ZFP28: variants seen among roughly 807,000 people sequenced by gnomAD.
ZFP28 encodes the protein zinc finger protein 28 homolog.
Under a neutral mutation model 39.5 loss-of-function variants are expected in ZFP28, and 31 were observed. The ratio of observed to expected loss-of-function variants is 0.79; its 90% CI spans 0.59 to 1.06. The LOEUF (loss-of-function observed/expected upper bound fraction) is 1.06, where lower values mean the gene tolerates loss of function less well. Among genes scored for constraint, ZFP28 ranks in the 50% least tolerant of loss-of-function variants. The pLI is 0.00. For missense variants in ZFP28, 925 were observed against 1,048.4 expected (o/e 0.88, Z 1.63); for synonymous variants, 400 against 378.6 (o/e 1.06, Z -0.66).
At position 56,550,487 on chromosome 19, in the gene ZFP28, C is replaced by A. The variant is rs755679460; in HGVS notation, c.803-23C>A. On this transcript the variant is annotated intron_variant, in intron 6 of 7. Transcript: ENST00000301318. ...AGGATGCCAAGACTATTGGCCAAAC[C>A]TCATCTCTTTTCACTTTTTCAGGAC... 1.9e-6 allele frequency: 3 copies of A among 1,606,548 alleles called. No individual in the cohort carries two copies. In the South Asian group the frequency reaches 3.3e-5, roughly 18 times the overall value.
At position 56,553,853 on chromosome 19, in the gene ZFP28, A is replaced by G; in HGVS notation, c.1068A>G (p.Gln356=). 2 of 1,614,176 alleles carry G rather than the reference A, an allele frequency of 1.2e-6. No homozygotes were observed. Among genetic ancestry groups the G allele is most frequent in the East Asian group, 2.2e-5 (1 of 44,864 alleles). The change falls in exon 8 of 8, where the codon CAA becomes CAG. Residue 356 remains glutamine (Q), a synonymous_variant. Coordinates refer to ENST00000301318, the MANE Select transcript of ZFP28 (RefSeq NM_020828.2). ...GRKLAVGQET[Q]FRQEPITHNK... is the part of the protein sequence containing the mutation. ...AGCTTGCAGTAGGTCAAGAGACACA[A>G]TTCAGGCAAGAGCCAATTACTCATA...
At position 56,547,398 on chromosome 19, in the gene ZFP28, G is replaced by A; in HGVS notation, c.301-110G>A. ...CACATTCAAAAGTACTGGGGATTAG[G>A]AGTTTAATGTAGGAGTTTTGTCAGG... On this transcript the variant is annotated intron_variant, in intron 2 of 7. Transcript: ENST00000301318. The surrounding 1 kb of genome is among the most constrained non-coding windows in gnomAD (Gnocchi z 4.6). 4 of 1,488,382 alleles carry A rather than the reference G, an allele frequency of 2.7e-6. No homozygotes were observed. Among genetic ancestry groups the A allele is most frequent in the East Asian group, 4.5e-5 (2 of 44,142 alleles). 92.2% of individuals were successfully genotyped at this position (1,488,382 alleles called of 1,614,324 possible).
upstream of ZFP28, among the ~76,000 whole-genome samples, chr19:56,538,795 G>A (rs1488937646): frequency 3.1e-4 from 33 of 107,404 alleles, no homozygotes; most frequent in East Asian, 1.4e-3. Context: ...GGCGGGGCGG[G>A]GCGGGGCGGG....
rs1600544487 is a variant in ZFP28 at position 56,547,743 on chromosome 19, A to T, written c.428-64A>T. 1.2e-6 allele frequency: 2 copies of T among 1,604,538 alleles called. No homozygotes were observed. The highest frequency in any genetic ancestry group is 4.5e-5 in the East Asian group (2 of 44,652). ...CTGCACTGCCCTCTTGCGTCAAGCC[A>T]AGGGGACTGCATCTCAGTCTGGACA... On this transcript the variant is annotated intron_variant, in intron 3 of 7. Coordinates refer to ENST00000301318, the MANE Select transcript of ZFP28 (RefSeq NM_020828.2). The surrounding 1 kb of genome is among the most constrained non-coding windows in gnomAD (Gnocchi z 4.6).
At chr19:56,545,455 GAAT>G (rs1568484903) in intron 2 of ZFP28, 1 of 152,206 alleles carries the variant, frequency 6.6e-6, no homozygotes, top group African/African-American at 2.4e-5. Context: ...GTTTCTAGTA[GAAT>G]AATGTGAATC....
In ZFP28 at chr19:56,555,242, A is replaced by G; in HGVS notation, c.2457A>G (p.Arg819=). 2 of 1,614,198 alleles carry G rather than the reference A, an allele frequency of 1.2e-6. No homozygotes were observed. Among genetic ancestry groups the G allele is most frequent in the Non-Finnish European group, 1.7e-6 (2 of 1,180,044 alleles). Residue 819 remains arginine, a synonymous_variant, in exon 8 of 8, where the codon AGA becomes AGG. Transcript: ENST00000301318. The part of the protein sequence containing the change: ...GERSYNYKKS[R]KVFRQTAHLA... ...GATCTTATAACTATAAGAAAAGCAGAAAAGTCTTCAGGCAAACTGCTCACT... is the reference window on the plus strand; with the variant it reads ...GATCTTATAACTATAAGAAAAGCAGGAAAGTCTTCAGGCAAACTGCTCACT...
In ZFP28 at chr19:56,547,565, C is replaced by T; in HGVS notation, c.358C>T (p.Leu120=). The stretch of plus-strand genomic sequence containing the variant: ...TTTCTCCCAAGAGGAGTGGGAGTGG[C>T]TGAACCCCATTCAGAGGAACTTGTA... ...VDFSQEEWEW[L]NPIQRNLYRK... is the part of the protein sequence containing the mutation. Residue 120 remains leucine, a synonymous_variant, in exon 3 of 8, where the codon CTG becomes TTG. Transcript: ENST00000301318. The surrounding 1 kb of genome is among the most constrained non-coding windows in gnomAD (Gnocchi z 4.6). 6.2e-7 allele frequency: 1 copy of T among 1,614,016 alleles called. No individual in the cohort carries two copies. Among genetic ancestry groups the T allele is most frequent in the Non-Finnish European group, 8.5e-7 (1 of 1,179,970 alleles).
chr19:56,551,257 A>T (rs896010097), intron 7 of ZFP28: 15 of 986,720 alleles, frequency 1.5e-5, no homozygotes, highest in Non-Finnish European at 1.8e-5. Context: ...TTGATGCACA[A>T]GGGAAAGAAA....
chr19:56,547,324 C>T lies in ZFP28; in HGVS notation c.301-184C>T, dbSNP rs2044250866. Reference sequence around the variant, plus strand: ...TGGGTTAGGGCCCCACCCATATGACCTCATTTAACCCTAATTACCTCTTTG... The same window carrying T: ...TGGGTTAGGGCCCCACCCATATGACTTCATTTAACCCTAATTACCTCTTTG... On this transcript the variant is annotated intron_variant, in intron 2 of 7. Transcript: ENST00000301318. This position sits in a 1 kb window ranked among gnomAD's most constrained non-coding sequence, Gnocchi z 4.6. The T allele has an allele frequency of 4.9e-6, 4 of 813,962 alleles. No homozygotes were observed. The highest frequency in any genetic ancestry group is 5.6e-5 in the Admixed American group (2 of 35,878). 50.4% of individuals were successfully genotyped at this position (813,962 alleles called of 1,614,324 possible). A position where few individuals can be genotyped will look rare whatever the true frequency, so the allele number is the denominator to read the frequency against.
intron 7 of ZFP28, 178 bp downstream of exon 7, chr19:56,550,783 C>G: frequency 6.5e-7 from 1 of 1,527,418 alleles, no homozygotes; most frequent in Non-Finnish European, 8.8e-7. Flanking sequence ...TTGCCCCCTT[C>G]TCTCCAGTAA....
chr19:56,550,444 G>T, intron 6 of ZFP28, 66 bp from the exon 7 acceptor site: 1 of 1,363,932 alleles, frequency 7.3e-7, no homozygotes, highest in Non-Finnish European at 1.0e-6. Context: ...TATCAACAAG[G>T]AAGTGGTTCT....
At chr19:56,549,915 C>T (rs2044280256) in intron 5 of ZFP28, 152 bp from the exon 6 acceptor site, 2 of 603,482 alleles carry the variant, frequency 3.3e-6, no homozygotes, top group Admixed American at 5.8e-5. Context: ...TATAACTAAG[C>T]CCTGTCATTA....
intron 6 of ZFP28, 68 bp from the exon 7 acceptor site, chr19:56,550,442 A>G (rs1364157195): frequency 1.5e-6 from 2 of 1,352,494 alleles, no homozygotes; most frequent in Non-Finnish European, 2.1e-6. Flanking sequence ...TCTATCAACA[A>G]GGAAGTGGTT....
At chr19:56,544,299 C>T (rs1473239968) in intron 2 of ZFP28, among the ~76,000 whole-genome samples, 2 of 152,102 alleles carry the variant, frequency 1.3e-5, no homozygotes, top group Non-Finnish European at 2.9e-5. Flanking sequence ...CCACCAGCTA[C>T]AAATGAGTTC....
At chr19:56,549,786 C>G (rs1055067383) in intron 5 of ZFP28, among the ~76,000 whole-genome samples, 4 of 152,246 alleles carry the variant, frequency 2.6e-5, no homozygotes, top group African/African-American at 7.2e-5. Context: ...TATGGGAAAG[C>G]CTTCCGTCTG....
At chr19:56,538,044 G>A (rs895353082), upstream of ZFP28, 4 of 152,386 alleles carry the variant, frequency 2.6e-5, no homozygotes, top group Admixed American at 2.0e-4. Flanking sequence ...GCGATGACAA[G>A]TGAATGGCAT....
chr19:56,538,372 A>G (rs1255835443), upstream of ZFP28: 1 of 152,152 alleles, frequency 6.6e-6, no homozygotes, highest in Non-Finnish European at 1.5e-5. Flanking sequence ...ACAGCCAAGC[A>G]CCCTTTTACT....
At chr19:56,542,675 G>C (rs1007660003) in intron 2 of ZFP28, among the ~76,000 whole-genome samples, 4 of 152,160 alleles carry the variant, frequency 2.6e-5, no homozygotes, top group African/African-American at 9.7e-5. Flanking sequence ...TAGTCTTAAA[G>C]TTCTCTTGTG....
At chr19:56,551,508 T>C (rs138492112) in intron 7 of ZFP28, 2 of 984,880 alleles carry the variant, frequency 2.0e-6, no homozygotes, top group East Asian at 1.1e-4. Flanking sequence ...TTTCTTAGTA[T>C]TAAAGATACA....
Sources: allele counts gnomAD v4.1 joint callset (sites outside exome capture counted in the v4.1 genomes callset), GRCh38; gene constraint gnomAD v4.1.1; non-coding constraint Gnocchi (gnomAD v3.1); transcripts MANE v1.5; gene names NCBI Gene and HGNC (gene_info 2026-07-23, HGNC 2026-07-21).